NCKAP5: variants seen among roughly 807,000 people sequenced by gnomAD.
NCKAP5 encodes the protein nck-associated protein 5.
Under a neutral mutation model 167.0 loss-of-function variants are expected in NCKAP5, and 92 were observed. The ratio of observed to expected loss-of-function variants is 0.55; its 90% CI spans 0.47 to 0.66. NCKAP5 has a LOEUF of 0.66. Ranked by LOEUF, NCKAP5 falls within the 30% of genes least tolerant of loss-of-function variation. The pLI is 0.00. For missense variants in NCKAP5, 2,378 were observed against 2,315.0 expected (o/e 1.03, Z -0.56); for synonymous variants, 891 against 877.4 (o/e 1.02, Z -0.27).
At chr2:133,076,925 A>G (rs2080624855) in intron 6 of NCKAP5, among the ~76,000 whole-genome samples, 1 of 152,172 alleles carries the variant, frequency 6.6e-6, no homozygotes, top group Admixed American at 6.5e-5. Flanking sequence ...ACGTGGTTTT[A>G]AAAGCTACAC....
chr2:133,099,765 G>T (rs2081446866), intron 6 of NCKAP5, among the ~76,000 whole-genome samples: 2 of 152,114 alleles, frequency 1.3e-5, no homozygotes, highest in South Asian at 2.1e-4. Flanking sequence ...CCTTTTTATT[G>T]TTACCCCATC....
Position 132,925,283 on chromosome 2 carries a change from G to A in NCKAP5, c.579+38437C>T, listed in dbSNP as rs1050426742. On this transcript the variant is annotated intron_variant, in intron 8 of 19. Coordinates refer to ENST00000409261, the MANE Select transcript of NCKAP5 (RefSeq NM_207363.3). ...TAAGAATCTAATGCTGGCCAGGCAC[G>A]GTGGCTCACGCCTGTAATCCCAGCA... Among the ~76,000 whole-genome samples, 5 of 152,114 alleles carry A rather than the reference G, an allele frequency of 3.3e-5. No homozygotes were observed. In the East Asian group the frequency reaches 5.8e-4, roughly 18 times the overall value.
At chr2:133,145,662 C>T (rs887246803) in intron 5 of NCKAP5, among the ~76,000 whole-genome samples, 3 of 152,002 alleles carry the variant, frequency 2.0e-5, no homozygotes, top group Admixed American at 6.6e-5. Context: ...CTTAACTCTC[C>T]ATATTGTGCA....
intron 11 of NCKAP5, among the ~76,000 whole-genome samples, chr2:132,802,420 AG>A (rs1466806299): frequency 6.6e-6 from 1 of 152,196 alleles, no homozygotes; most frequent in Non-Finnish European, 1.5e-5. Flanking sequence ...GCTTCTAGAA[AG>A]CTTCCTAGAG....
intron 3 of NCKAP5, among the ~76,000 whole-genome samples, chr2:133,359,295 C>T (rs1374880856): frequency 1.3e-5 from 2 of 152,132 alleles, no homozygotes; most frequent in African/African-American, 4.8e-5. Context: ...TACAACTGCC[C>T]CACTTCAATA....
intron 8 of NCKAP5, among the ~76,000 whole-genome samples, chr2:132,884,770 C>T (rs183593607): frequency 3.9e-5 from 6 of 152,180 alleles, no homozygotes; most frequent in Admixed American, 2.6e-4. Flanking sequence ...ACACTGTTTA[C>T]TTTAAATGTC....
Position 133,306,141 on chromosome 2 carries a change from G to A in NCKAP5, c.70-3031C>T, listed in dbSNP as rs188874291. On this transcript the variant is annotated intron_variant, in intron 3 of 19. Transcript: ENST00000409261. ...AGATTAACTCCAAGAAAACAATGGA[G>A]GGTGGTAGCATTGGGGCTGGCAGTG... 1.5e-3 allele frequency among the ~76,000 whole-genome samples: 228 copies of A among 152,350 alleles called. 1 individual carries two copies. Among genetic ancestry groups the A allele is most frequent in the Admixed American group, 2.6e-3 (40 of 15,308 alleles).
chr2:132,937,400 G>GTATTTCTTTTAAT (rs1696935902), intron 8 of NCKAP5, among the ~76,000 whole-genome samples: 2 of 152,232 alleles, frequency 1.3e-5, no homozygotes, highest in Non-Finnish European at 2.9e-5. Flanking sequence ...AAAAGAAAGA[G>GTATTTCTTTTAAT]GACTAAATAG....
At chr2:133,091,876 G>A (rs966438564) in intron 6 of NCKAP5, among the ~76,000 whole-genome samples, 1 of 152,110 alleles carries the variant, frequency 6.6e-6, no homozygotes, top group Admixed American at 6.5e-5. Context: ...GACAAAGTGA[G>A]ACTCCACCTC....
chr2:133,271,504 T>C (rs1255754353), intron 4 of NCKAP5, among the ~76,000 whole-genome samples: 3 of 152,176 alleles, frequency 2.0e-5, no homozygotes, highest in Non-Finnish European at 4.4e-5. Flanking sequence ...AGGCCTTTGC[T>C]ATAATTCCCA....
intron 1 of NCKAP5, among the ~76,000 whole-genome samples, chr2:133,559,946 CTT>C (rs913070155): frequency 7.2e-5 from 11 of 152,182 alleles, no homozygotes; most frequent in African/African-American, 2.7e-4. Flanking sequence ...TCCCACTCCT[CTT>C]GTCTTCATCA....
At chr2:133,227,431 A>T (rs2086944822) in intron 4 of NCKAP5, among the ~76,000 whole-genome samples, 1 of 152,184 alleles carries the variant, frequency 6.6e-6, no homozygotes, top group Admixed American at 6.5e-5. Flanking sequence ...TTGCAAACAC[A>T]TGTATATACT....
chr2:132,738,476 T>G (rs1232959414), intron 16 of NCKAP5, among the ~76,000 whole-genome samples: 1 of 152,212 alleles, frequency 6.6e-6, no homozygotes, highest in Admixed American at 6.5e-5. Flanking sequence ...TTGTGAGAAC[T>G]AAGTTCTTAC....
chr2:133,401,996 A>G (rs1421611814), intron 3 of NCKAP5, among the ~76,000 whole-genome samples: 1 of 152,154 alleles, frequency 6.6e-6, no homozygotes, highest in South Asian at 2.1e-4. Context: ...AAGGGATGAG[A>G]CCATAAAATC....
At chr2:133,229,177 G>GA (rs1387884786) in intron 4 of NCKAP5, among the ~76,000 whole-genome samples, 3 of 151,982 alleles carry the variant, frequency 2.0e-5, no homozygotes, top group South Asian at 2.1e-4. Context: ...TGTTTTTGTA[G>GA]AAAAAAAATA....
chr2:133,358,813 A>G (rs1684909524), intron 3 of NCKAP5, among the ~76,000 whole-genome samples: 1 of 152,260 alleles, frequency 6.6e-6, no homozygotes, highest in Admixed American at 6.5e-5. Flanking sequence ...AAATAAGAGT[A>G]TATTGAGGAC....
chr2:132,874,078 G>T (rs375659714), intron 9 of NCKAP5, among the ~76,000 whole-genome samples: 2 of 149,906 alleles, frequency 1.3e-5, no homozygotes, highest in Non-Finnish European at 1.5e-5. Context: ...AAGTACGATC[G>T]TCTTCCATTT....
intron 14 of NCKAP5, among the ~76,000 whole-genome samples, chr2:132,781,638 G>A (rs1683042417): frequency 6.6e-6 from 1 of 152,154 alleles, no homozygotes; most frequent in South Asian, 2.1e-4. Flanking sequence ...CACGCCATCT[G>A]GGTACATTCA....
chr2:133,492,639 T>C (rs780736145), intron 3 of NCKAP5, among the ~76,000 whole-genome samples: 8 of 152,178 alleles, frequency 5.3e-5, no homozygotes, highest in Non-Finnish European at 7.3e-5. Flanking sequence ...ATCTATAAAA[T>C]AGGCATGATT....
Sources: gnomAD v4.1 joint callset for allele counts (sites outside exome capture counted in the v4.1 genomes callset) on GRCh38, gnomAD v4.1.1 for gene constraint, MANE v1.5 for transcripts, NCBI Gene and HGNC (gene_info 2026-07-23, HGNC 2026-07-21) for gene names.